SDK1: variants seen among roughly 807,000 people sequenced by gnomAD.
The protein encoded by SDK1 is sidekick cell adhesion molecule 1.
A neutral mutation model predicts 245.5 loss-of-function variants in SDK1; 157 were observed. That is an observed-to-expected ratio of 0.64 (90% CI 0.56 to 0.73). The LOEUF (loss-of-function observed/expected upper bound fraction) is 0.73, where lower values mean the gene tolerates loss of function less well. Among genes scored for constraint, SDK1 ranks in the 30% least tolerant of loss-of-function variants. The pLI is 0.00. For missense variants in SDK1, 3,583 were observed against 3,002.3 expected (o/e 1.19, Z -4.52); for synonymous variants, 1,647 against 1,278.5 (o/e 1.29, Z -6.15).
intron 4 of SDK1, among the ~76,000 whole-genome samples, chr7:3,650,089 A>T (rs767011633): frequency 2.0e-5 from 3 of 151,738 alleles, no homozygotes; most frequent in Non-Finnish European, 4.4e-5. Context: ...TCACTTTATC[A>T]TCCAGGCTAG....
At chr7:3,302,265 G>A (rs1733185357) in intron 1 of SDK1, 1 of 152,318 alleles carries the variant, frequency 6.6e-6, no homozygotes, top group African/African-American at 2.4e-5. Context: ...TTTCCGGTGA[G>A]TGACATCCAG....
At chr7:3,869,335 T>C (rs1417599743) in intron 5 of SDK1, among the ~76,000 whole-genome samples, 1 of 152,002 alleles carries the variant, frequency 6.6e-6, no homozygotes, top group Non-Finnish European at 1.5e-5. Flanking sequence ...TTTGTATTTT[T>C]AGTGGAGACG....
At chr7:3,507,774 T>G (rs2128610421) in intron 1 of SDK1, among the ~76,000 whole-genome samples, 1 of 152,290 alleles carries the variant, frequency 6.6e-6, no homozygotes, top group South Asian at 2.1e-4. Flanking sequence ...CAATTAGCAT[T>G]GGAATATGTG....
intron 4 of SDK1, among the ~76,000 whole-genome samples, chr7:3,658,611 T>C (rs969891909): frequency 6.6e-4 from 18 of 27,176 alleles, no homozygotes; most frequent in Non-Finnish European, 1.3e-3. Flanking sequence ...ACTATCTTCT[T>C]TTTTTTTTTT....
chr7:3,803,978 A>G (rs537986913), intron 4 of SDK1, among the ~76,000 whole-genome samples: 12 of 151,932 alleles, frequency 7.9e-5, no homozygotes, highest in Admixed American at 5.9e-4. Context: ...GTTAGCCAGG[A>G]TGGTCTCGAT....
At chr7:3,704,327 G>C (rs1379843774) in intron 4 of SDK1, among the ~76,000 whole-genome samples, 2 of 148,476 alleles carry the variant, frequency 1.3e-5, no homozygotes, top group Non-Finnish European at 3.0e-5. Flanking sequence ...CGCATTGTTC[G>C]ATGGGCACTT....
chr7:3,979,436 C>G (rs116098493), intron 13 of SDK1, among the ~76,000 whole-genome samples: 193 of 152,244 alleles, frequency 1.3e-3, no homozygotes, highest in African/African-American at 4.5e-3. Context: ...ACACTAGACT[C>G]GAGATGTGTC....
At chr7:3,820,274 G>A (rs1779611881) in intron 4 of SDK1, among the ~76,000 whole-genome samples, 1 of 152,034 alleles carries the variant, frequency 6.6e-6, no homozygotes, top group Admixed American at 6.5e-5. Context: ...CTCGGCCTCT[G>A]TAGTAGCTGG....
intron 1 of SDK1, among the ~76,000 whole-genome samples, chr7:3,612,780 C>T (rs1781641874): frequency 6.6e-6 from 1 of 152,102 alleles, no homozygotes; most frequent in African/African-American, 2.4e-5. Context: ...CTGATTACTC[C>T]ATTCACACTG....
In SDK1 at chr7:3,387,147, C is replaced by A. The variant is rs149177040; in HGVS notation, c.298+85263C>A. 2.5e-3 allele frequency among the ~76,000 whole-genome samples: 384 copies of A among 152,180 alleles called. 4 individuals are homozygous for A. The highest frequency in any genetic ancestry group is 8.9e-3 in the African/African-American group (368 of 41,506). On this transcript the variant is annotated intron_variant, in intron 1 of 44. Transcript: ENST00000404826. ...ATGGTGCTAGGGCATGATTTCAGGC[C>A]CGACTCATACCCCCAAGCTAGACAC...
intron 17 of SDK1, among the ~76,000 whole-genome samples, chr7:4,034,089 C>T (rs1788039317): frequency 6.6e-6 from 1 of 152,180 alleles, no homozygotes; most frequent in Admixed American, 6.5e-5. Flanking sequence ...CACAGCCTCG[C>T]CTCTGTGCTA....
chr7:4,101,172 G>A (rs1368095706), intron 22 of SDK1, among the ~76,000 whole-genome samples: 5 of 146,814 alleles, frequency 3.4e-5, no homozygotes, highest in African/African-American at 7.6e-5. Flanking sequence ...TTTTTGAGAC[G>A]GAGTCTCGCT....
chr7:3,684,356 T>C (rs572859786), intron 4 of SDK1, among the ~76,000 whole-genome samples: 2 of 152,294 alleles, frequency 1.3e-5, no homozygotes, highest in Middle Eastern at 3.4e-3. Context: ...TCCCCCTTCC[T>C]GGTGGTTGTA....
At chr7:3,781,339 C>T (rs761004254) in intron 4 of SDK1, among the ~76,000 whole-genome samples, 82 of 152,056 alleles carry the variant, frequency 5.4e-4, no homozygotes, top group Admixed American at 1.8e-3. Flanking sequence ...AGCAGCAGCC[C>T]AACTAAGTTG....
At chr7:3,330,845 A>G (rs1322386646) in intron 1 of SDK1, among the ~76,000 whole-genome samples, 1 of 145,246 alleles carries the variant, frequency 6.9e-6, no homozygotes, top group Non-Finnish European at 1.5e-5. Context: ...GTGGTGGTGT[A>G]CCTGTAGTCC....
At chr7:3,960,673 C>T (rs1229943113) in intron 8 of SDK1, among the ~76,000 whole-genome samples, 1 of 152,220 alleles carries the variant, frequency 6.6e-6, no homozygotes, top group Non-Finnish European at 1.5e-5. Flanking sequence ...CTGACCAGCT[C>T]ACAGCGGCTG....
At chr7:3,327,188 G>A (rs1432177807) in intron 1 of SDK1, among the ~76,000 whole-genome samples, 1 of 152,150 alleles carries the variant, frequency 6.6e-6, no homozygotes, top group Non-Finnish European at 1.5e-5. Context: ...CCAGCATGGT[G>A]ATATTAGAGA....
chr7:3,468,097 T>C (rs1440812445), intron 1 of SDK1, among the ~76,000 whole-genome samples: 1 of 152,164 alleles, frequency 6.6e-6, no homozygotes, highest in African/African-American at 2.4e-5. Flanking sequence ...AGAGAAATCA[T>C]AAAGCAGAGA....
rs558825844 is a variant in SDK1, at chr7:3,356,122, A to G, written c.298+54238A>G. 5.9e-5 allele frequency among the ~76,000 whole-genome samples: 9 copies of G among 152,286 alleles called. No individual in the cohort carries two copies. In the South Asian group the frequency reaches 1.7e-3, roughly 28 times the overall value. ...CATGTCAGCCTCATTAGCTTTTACAAGCTATTTTCTTAGCTTGTAAGAATG... is the reference window on the plus strand; with the variant it reads ...CATGTCAGCCTCATTAGCTTTTACAGGCTATTTTCTTAGCTTGTAAGAATG... On this transcript the variant is annotated intron_variant, in intron 1 of 44. Transcript: ENST00000404826.
Sources: gnomAD v4.1 joint callset for allele counts (sites outside exome capture counted in the v4.1 genomes callset) on GRCh38, gnomAD v4.1.1 for gene constraint, MANE v1.5 for transcripts, NCBI Gene and HGNC (gene_info 2026-07-23, HGNC 2026-07-21) for gene names.